MAN2A1: variants seen among roughly 807,000 people sequenced by gnomAD.
MAN2A1 encodes the protein mannosidase alpha class 2A member 1, also known as alpha-mannosidase 2.
Under a neutral mutation model 142.6 loss-of-function variants are expected in MAN2A1, and 76 were observed. That is an observed-to-expected ratio of 0.53 (90% CI 0.44 to 0.65). MAN2A1 has a LOEUF of 0.65. Among genes scored for constraint, MAN2A1 ranks in the 30% least tolerant of loss-of-function variants. The pLI, the probability that MAN2A1 is intolerant of heterozygous loss-of-function variation, is 0.00. For missense variants in MAN2A1, 1,311 were observed against 1,365.1 expected (o/e 0.96, Z 0.62); for synonymous variants, 559 against 473.2 (o/e 1.18, Z -2.35).
chr5:109,730,159 C>CT (rs1311116223), intron 4 of MAN2A1, among the ~76,000 whole-genome samples: 2 of 151,990 alleles, frequency 1.3e-5, no homozygotes, highest in African/African-American at 4.8e-5. Flanking sequence ...AATTTATTTG[C>CT]TTTTTAGTCA....
intron 1 of MAN2A1, among the ~76,000 whole-genome samples, chr5:109,696,379 G>A (rs1272312863): frequency 6.6e-6 from 1 of 152,234 alleles, no homozygotes; most frequent in Non-Finnish European, 1.5e-5. Context: ...GATTACAGGC[G>A]TGAGCCTCTG....
At chr5:109,829,087 T>G (rs1192999713) in intron 16 of MAN2A1, among the ~76,000 whole-genome samples, 5 of 152,196 alleles carry the variant, frequency 3.3e-5, no homozygotes, top group Admixed American at 3.3e-4. Flanking sequence ...ATAAGCTTCA[T>G]CAAGTTCATG....
At chr5:109,722,014 A>T (rs1244179301) in intron 3 of MAN2A1, among the ~76,000 whole-genome samples, 1 of 152,222 alleles carries the variant, frequency 6.6e-6, no homozygotes, top group Non-Finnish European at 1.5e-5. Context: ...AGGAGAGAGC[A>T]TAAGTGATCT....
chr5:109,700,980 C>G (rs1202454687), intron 1 of MAN2A1, among the ~76,000 whole-genome samples: 1 of 152,170 alleles, frequency 6.6e-6, no homozygotes, highest in Admixed American at 6.5e-5. Flanking sequence ...CAGTTAAGTG[C>G]TATTATTCAT....
At chr5:109,838,525 C>A (rs1755116442) in intron 16 of MAN2A1, among the ~76,000 whole-genome samples, 1 of 152,142 alleles carries the variant, frequency 6.6e-6, no homozygotes, top group South Asian at 2.1e-4. Context: ...GTTCTCCCTT[C>A]CATTTCATGA....
chr5:109,820,938 G>T (rs1290094111), intron 15 of MAN2A1, among the ~76,000 whole-genome samples: 1 of 152,172 alleles, frequency 6.6e-6, no homozygotes, highest in Non-Finnish European at 1.5e-5. Flanking sequence ...ATTTTATACA[G>T]ACACAAAACC....
chr5:109,738,086 G>C (rs1402149371), intron 4 of MAN2A1, among the ~76,000 whole-genome samples: 2 of 152,084 alleles, frequency 1.3e-5, no homozygotes, highest in Non-Finnish European at 2.9e-5. Flanking sequence ...ACTAAATTGT[G>C]CATAAGCAAG....
chr5:109,711,769 G>T (rs1751308003), intron 1 of MAN2A1, among the ~76,000 whole-genome samples: 1 of 152,168 alleles, frequency 6.6e-6, no homozygotes, highest in Non-Finnish European at 1.5e-5. Context: ...TGTCTTTCAG[G>T]ATGGGACCTG....
intron 5 of MAN2A1, among the ~76,000 whole-genome samples, chr5:109,764,942 T>C (rs374896226): frequency 1.3e-5 from 2 of 152,204 alleles, no homozygotes; most frequent in Non-Finnish European, 2.9e-5. Flanking sequence ...TTCATATGTA[T>C]ATTTTTCTGA....
At chr5:109,827,752 G>C (rs1754793868) in intron 16 of MAN2A1, among the ~76,000 whole-genome samples, 1 of 152,138 alleles carries the variant, frequency 6.6e-6, no homozygotes, top group Admixed American at 6.6e-5. Context: ...TACTAAATTA[G>C]AAGAAATCTT....
intron 4 of MAN2A1, among the ~76,000 whole-genome samples, chr5:109,735,898 T>TTC (rs1752080805): frequency 6.7e-6 from 1 of 149,932 alleles, no homozygotes. Context: ...TTTTTTTTTT[T>TTC]TCCCTCTTGA....
rs555251733 is a variant in MAN2A1, at chr5:109,767,552, G to A, written c.853G>A (p.Gly285Ser). ...ENNIGVKPRS[G>S]WAIDPFGHSP... ...ATCCACAGGAGTGAAACCTCGGTCC[G>A]GCTGGGCTATTGATCCCTTTGGACA... The change falls in exon 6 of 22, where the codon GGC (glycine) becomes AGC (serine). Residue 285 changes from glycine (G) to serine (S), a missense_variant. Coordinates refer to ENST00000261483, the MANE Select transcript of MAN2A1 (RefSeq NM_002372.4). The A allele has an allele frequency of 1.4e-3, 2,214 of 1,612,584 alleles. 39 individuals carry two copies. In the South Asian group the frequency reaches 0.023, roughly 17 times the overall value.
At position 109,729,399 on chromosome 5, in the gene MAN2A1, A is replaced by G. The variant is rs1411164817; in HGVS notation, c.593A>G (p.Asn198Ser). ...FRDKTQYIFN[N>S]MVLKLKEDSR... Reference sequence around the variant, plus strand: ...GACAAGACTCAGTATATTTTTAATAACATGGTCCTAAAGCTGAAAGAAGAC... The same window carrying G: ...GACAAGACTCAGTATATTTTTAATAGCATGGTCCTAAAGCTGAAAGAAGAC... The change falls in exon 4 of 22, where the codon AAC becomes AGC. Residue 198 changes from asparagine to serine, a missense_variant. By Grantham distance (46) the Asn-to-Ser change is conservative. This residue lies in a region of MAN2A1 where 409 missense variants were observed against 412.7 expected (regional missense o/e 0.99). Transcript: ENST00000261483. 6 of 1,605,566 alleles carry G rather than the reference A, an allele frequency of 3.7e-6. No homozygotes were observed. Among genetic ancestry groups the G allele is most frequent in the Non-Finnish European group, 5.1e-6 (6 of 1,176,252 alleles).
At chr5:109,717,865 G>A (rs1711894201) in intron 3 of MAN2A1, among the ~76,000 whole-genome samples, 2 of 152,166 alleles carry the variant, frequency 1.3e-5, no homozygotes, top group African/African-American at 4.8e-5. Context: ...AAATTTCTTT[G>A]CTATTTATTC....
chr5:109,810,920 A>G (rs562748242), intron 12 of MAN2A1, among the ~76,000 whole-genome samples: 1 of 152,216 alleles, frequency 6.6e-6, no homozygotes, highest in African/African-American at 2.4e-5. Flanking sequence ...ACAAAAATAA[A>G]GTGCTCACCT....
intron 12 of MAN2A1, among the ~76,000 whole-genome samples, chr5:109,803,391 A>T (rs574348768): frequency 7.2e-5 from 11 of 152,170 alleles, no homozygotes; most frequent in African/African-American, 2.6e-4. Context: ...GCATGGTTCT[A>T]GTTTATTGTC....
intron 12 of MAN2A1, among the ~76,000 whole-genome samples, chr5:109,808,121 C>T (rs1414548580): frequency 1.3e-5 from 2 of 152,166 alleles, no homozygotes; most frequent in African/African-American, 4.8e-5. Flanking sequence ...ATGCACTTTA[C>T]TGTGTAGCGT....
intron 8 of MAN2A1, among the ~76,000 whole-genome samples, chr5:109,780,173 T>A (rs1001248907): frequency 2.6e-5 from 4 of 152,124 alleles, no homozygotes; most frequent in Admixed American, 2.6e-4. Context: ...TTCTCCTGCC[T>A]CAGCCTCCCG....
chr5:109,814,138 A>G (rs1318179253), intron 12 of MAN2A1, among the ~76,000 whole-genome samples: 1 of 152,192 alleles, frequency 6.6e-6, no homozygotes, highest in African/African-American at 2.4e-5. Context: ...TTGGAGAAGA[A>G]AAAAGCACTG....
Sources: gnomAD v4.1 joint callset for allele counts (sites outside exome capture counted in the v4.1 genomes callset) on GRCh38, gnomAD v4.1.1 for gene constraint, gnomAD v4.1.1 regional missense constraint, MANE v1.5 for transcripts, NCBI Gene and HGNC (gene_info 2026-07-23, HGNC 2026-07-21) for gene names.